The following DOCK7 variants were observed in gnomAD, a reference collection of about 807,000 sequenced individuals.
DOCK7 encodes the protein dedicator of cytokinesis protein 7.
In DOCK7, 138 loss-of-function variants were observed where a neutral mutation model predicts 271.0. The ratio of observed to expected loss-of-function variants is 0.51; its 90% confidence interval spans 0.44 to 0.59. The LOEUF (loss-of-function observed/expected upper bound fraction) is 0.59. Among genes scored for constraint, DOCK7 ranks in the 20% least tolerant of loss-of-function variants. The pLI is 0.00. For missense variants in DOCK7, 2,066 were observed against 2,592.4 expected (o/e 0.80, Z 4.41); for synonymous variants, 823 against 876.1 (o/e 0.94, Z 1.07).
At chr1:62,683,738 C>A (rs938877119) in intron 1 of DOCK7, among the ~76,000 whole-genome samples, 2 of 151,928 alleles carry the variant, frequency 1.3e-5, no homozygotes, top group East Asian at 1.9e-4. Flanking sequence ...AGTTCGAGAC[C>A]AGCCTGGGCA....
intron 14 of DOCK7, among the ~76,000 whole-genome samples, chr1:62,591,149 A>G (rs918111965): frequency 7.9e-5 from 12 of 152,230 alleles, no homozygotes; most frequent in African/African-American, 2.7e-4. Context: ...ACATATACAC[A>G]GGGAATACCA....
intron 1 of DOCK7, among the ~76,000 whole-genome samples, chr1:62,671,422 G>A (rs1659988229): frequency 1.3e-5 from 2 of 152,214 alleles, no homozygotes; most frequent in South Asian, 4.1e-4. Flanking sequence ...CTTCAGGGCA[G>A]GGACCATATC....
chr1:62,620,777 G>A (rs896850205), intron 12 of DOCK7, among the ~76,000 whole-genome samples: 2 of 151,328 alleles, frequency 1.3e-5, no homozygotes, highest in Non-Finnish European at 2.9e-5. Flanking sequence ...CCAGCTACTC[G>A]GGAGGCTGAG....
rs372279914 is a variant in DOCK7, at chr1:62,519,078, CAT to C, written c.3937-5182_3937-5181del. On this transcript the variant is annotated intron_variant, in intron 31 of 49. Transcript: ENST00000635253. ...TAATTATAACTACTTTAAAAAGCATCATAGTTCATGTAGATGAAAGTGCAATC... is the reference window on the plus strand; with the variant it reads ...TAATTATAACTACTTTAAAAAGCATCAGTTCATGTAGATGAAAGTGCAATC... Among the ~76,000 whole-genome samples the C allele has an allele frequency of 6.6e-4, 100 of 151,428 alleles. No individual in the cohort carries two copies. In the East Asian group the frequency reaches 0.019, roughly 28 times the overall value.
rs1432838042 is a variant in DOCK7 at position 62,544,995 on chromosome 1, T to C, written c.2811A>G (p.Lys937=). 1 of 1,549,596 alleles carries C rather than the reference T, an allele frequency of 6.5e-7. No homozygotes were observed. The highest frequency in any genetic ancestry group is 1.4e-5 in the African/African-American group (1 of 73,006). The change falls in exon 23 of 50, where the codon AAA becomes AAG. Residue 937 remains lysine, a synonymous_variant. Coordinates refer to ENST00000635253, the MANE Select transcript of DOCK7 (RefSeq NM_001367561.1). The part of the protein sequence containing the change: ...SNSWVNTGGP[K]AAPWGSNPSP... Reference sequence around the variant, plus strand: ...TGGGGTTGGATCCCCATGGGGCAGCTTTTGGACCACCAGTGTTAACCCAGG... The same window carrying C: ...TGGGGTTGGATCCCCATGGGGCAGCCTTTGGACCACCAGTGTTAACCCAGG...
intron 37 of DOCK7, among the ~76,000 whole-genome samples, chr1:62,503,795 C>A (rs1306335432): frequency 6.6e-6 from 1 of 152,046 alleles, no homozygotes; most frequent in East Asian, 2.0e-4. Flanking sequence ...CTCCTGTAAT[C>A]CCAGCACTTT....
At chr1:62,487,331 G>T in intron 43 of DOCK7, 67 bp downstream of exon 43, 1 of 1,508,890 alleles carries the variant, frequency 6.6e-7, no homozygotes, top group African/African-American at 1.4e-5. Context: ...TGTGGGCAAA[G>T]CATTGGCATA....
At chr1:62,527,669 A>C (rs1645050665) in intron 31 of DOCK7, among the ~76,000 whole-genome samples, 1 of 147,844 alleles carries the variant, frequency 6.8e-6, no homozygotes, top group Non-Finnish European at 1.5e-5. Context: ...ATAGGTGGGA[A>C]TTGAACAATG....
intron 14 of DOCK7, among the ~76,000 whole-genome samples, chr1:62,596,610 A>C (rs537236179): frequency 6.6e-6 from 1 of 152,238 alleles, no homozygotes; most frequent in African/African-American, 2.4e-5. Context: ...GTATTTCCAG[A>C]CCAGCATGGG....
intron 42 of DOCK7, 45 bp downstream of exon 42, chr1:62,488,889 A>G (rs753154673): frequency 1.9e-6 from 3 of 1,611,500 alleles, no homozygotes; most frequent in Non-Finnish European, 2.5e-6. Context: ...ATGCTTTCAG[A>G]CAGTTTTTTC....
intron 31 of DOCK7, among the ~76,000 whole-genome samples, chr1:62,523,549 C>T (rs917835076): frequency 2.0e-5 from 3 of 152,078 alleles, no homozygotes; most frequent in Non-Finnish European, 2.9e-5. Flanking sequence ...ATATTAGCTG[C>T]AAGACTAAAT....
chr1:62,539,887 C>A lies in DOCK7; in HGVS notation c.3051G>T (p.Lys1017Asn), dbSNP rs1224574995. The change falls in exon 26 of 50, where the codon AAG becomes AAT. Residue 1017 changes from lysine (K) to asparagine (N), a missense_variant. Transcript: ENST00000635253. ...QAWFFFELMVKSMVHHLYFND... is the reference protein window; with the variant it reads ...QAWFFFELMVNSMVHHLYFND... ...TAAAGTATAAATGGTGCACCATGCT[C>A]TTTACCTGAAAAAAAGATATAAATT... 1 of 1,582,226 alleles carries A rather than the reference C, an allele frequency of 6.3e-7. No homozygotes were observed. The highest frequency in any genetic ancestry group is 2.2e-5 in the East Asian group (1 of 44,480).
At chr1:62,493,237 G>A (rs906546074) in intron 40 of DOCK7, among the ~76,000 whole-genome samples, 6 of 151,996 alleles carry the variant, frequency 3.9e-5, no homozygotes, top group African/African-American at 1.4e-4. Flanking sequence ...TAATGTACAC[G>A]GAGTTAATGA....
At chr1:62,537,808 A>G (rs548955538) in intron 28 of DOCK7, 83 bp downstream of exon 28, 6 of 1,265,038 alleles carry the variant, frequency 4.7e-6, no homozygotes, top group Non-Finnish European at 6.7e-6. Flanking sequence ...CTGTTATTCA[A>G]TAAGTGTTAT....
chr1:62,664,213 A>G (rs1274060195), intron 1 of DOCK7, among the ~76,000 whole-genome samples: 3 of 152,174 alleles, frequency 2.0e-5, no homozygotes, highest in African/African-American at 4.8e-5. Flanking sequence ...ATAGGGTGAT[A>G]TGGTTTAACT....
intron 7 of DOCK7, among the ~76,000 whole-genome samples, chr1:62,639,104 T>C (rs931757608): frequency 1.3e-5 from 2 of 152,136 alleles, no homozygotes; most frequent in Non-Finnish European, 2.9e-5. Flanking sequence ...GTACCAATAC[T>C]ATACCATCTT....
At chr1:62,601,574 T>A (rs1228694110) in intron 14 of DOCK7, among the ~76,000 whole-genome samples, 1 of 151,614 alleles carries the variant, frequency 6.6e-6, no homozygotes, top group East Asian at 1.9e-4. Context: ...ATTAATTTTT[T>A]AAAAGAAAAT....
At chr1:62,490,191 C>T (rs1690761) in intron 41 of DOCK7, among the ~76,000 whole-genome samples, 87,910 of 151,454 alleles carry the variant, frequency 0.58, 27,259 homozygotes, top group East Asian at 0.76. Context: ...CCACCCCAGC[C>T]TCCTAAGTAG....
intron 37 of DOCK7, 105 bp from the exon 38 acceptor site, chr1:62,496,602 A>G: frequency 9.3e-7 from 1 of 1,074,634 alleles, no homozygotes; most frequent in Non-Finnish European, 1.3e-6. Flanking sequence ...TACCATTCTA[A>G]GCAAAATATT....
Sources: allele counts gnomAD v4.1 joint callset (sites outside exome capture counted in the v4.1 genomes callset), GRCh38; gene constraint gnomAD v4.1.1; transcripts MANE v1.5; gene names NCBI Gene and HGNC (gene_info 2026-07-23, HGNC 2026-07-21).